EPHA5: variants seen among roughly 807,000 people sequenced by gnomAD.
EPHA5 encodes EPH receptor A5, also known as ephrin type-A receptor 5.
Under a neutral mutation model 105.0 loss-of-function variants are expected in EPHA5, and 60 were observed. That is an observed-to-expected ratio of 0.57 (90% confidence interval 0.46 to 0.71). The LOEUF (loss-of-function observed/expected upper bound fraction) is 0.71. Among genes scored for constraint, EPHA5 ranks in the 30% least tolerant of loss-of-function variants. The pLI, the probability that EPHA5 is intolerant of heterozygous loss-of-function variation, is 0.00. For synonymous variants in EPHA5, 513 were observed against 449.1 expected, an observed-to-expected ratio of 1.14 and a Z score of -1.80; for missense variants, 1,218 against 1,274.7, an observed-to-expected ratio of 0.96 and a Z score of 0.68.
At chr4:65,385,599 T>C (rs116831640) in intron 8 of EPHA5, among the ~76,000 whole-genome samples, 124 of 151,964 alleles carry the variant, frequency 8.2e-4, no homozygotes, top group African/African-American at 2.9e-3. Context: ...AATCACATAT[T>C]ATAATAGTTG....
chr4:65,580,255 T>C (rs571823633), intron 3 of EPHA5, among the ~76,000 whole-genome samples: 1 of 152,004 alleles, frequency 6.6e-6, no homozygotes, highest in South Asian at 2.1e-4. Flanking sequence ...CTGCTGTAAC[T>C]ACAGAACCAA....
chr4:65,534,773 G>T (rs977928935), intron 3 of EPHA5, among the ~76,000 whole-genome samples: 5 of 152,100 alleles, frequency 3.3e-5, no homozygotes, highest in Non-Finnish European at 7.4e-5. Context: ...TTTGAGTTTA[G>T]ATTATTCTAG....
chr4:65,441,771 T>C (rs1726037848), intron 5 of EPHA5, among the ~76,000 whole-genome samples: 1 of 152,078 alleles, frequency 6.6e-6, no homozygotes, highest in Non-Finnish European at 1.5e-5. Context: ...AAATTGAAGG[T>C]ATCAGAAAAA....
At chr4:65,587,497 A>G (rs1457213288) in intron 3 of EPHA5, among the ~76,000 whole-genome samples, 1 of 152,164 alleles carries the variant, frequency 6.6e-6, no homozygotes, top group Non-Finnish European at 1.5e-5. Context: ...ACAGACCAAA[A>G]GTTCAGAAAT....
intron 8 of EPHA5, among the ~76,000 whole-genome samples, chr4:65,397,545 G>T (rs1437362961): frequency 6.6e-6 from 1 of 151,840 alleles, no homozygotes; most frequent in East Asian, 1.9e-4. Context: ...TAATTTTTTT[G>T]ACCAGGATGA....
rs116074071 is a variant in EPHA5 at position 65,439,172 on chromosome 4, G to A, written c.1403-18607C>T. 8.1e-3 allele frequency among the ~76,000 whole-genome samples: 1,229 copies of A among 152,120 alleles called. 24 individuals carry two copies. The highest frequency in any genetic ancestry group is 0.028 in the African/African-American group (1,177 of 41,512). ...TCAGAGTCCATATGTCTAACCATTG[G>A]TACCACCATACTATATAATAGGAGT... On this transcript the variant is annotated intron_variant, in intron 5 of 16. Transcript: ENST00000613740.
intron 5 of EPHA5, among the ~76,000 whole-genome samples, chr4:65,455,150 G>A (rs1479511645): frequency 6.6e-6 from 1 of 151,852 alleles, no homozygotes; most frequent in Non-Finnish European, 1.5e-5. Context: ...GGAGAATGAC[G>A]TGAACCTGGG....
At chr4:65,535,471 A>G (rs1486036068) in intron 3 of EPHA5, among the ~76,000 whole-genome samples, 1 of 152,200 alleles carries the variant, frequency 6.6e-6, no homozygotes, top group African/African-American at 2.4e-5. Flanking sequence ...AATGTTAAAA[A>G]TGCAGATAAA....
intron 5 of EPHA5, among the ~76,000 whole-genome samples, chr4:65,465,225 C>T (rs1462999578): frequency 2.0e-5 from 3 of 151,906 alleles, no homozygotes; most frequent in African/African-American, 4.8e-5. Context: ...TTCACAGGGT[C>T]AGGAGTTCAA....
intron 2 of EPHA5, among the ~76,000 whole-genome samples, chr4:65,626,134 G>A (rs1746138228): frequency 6.7e-6 from 1 of 149,376 alleles, no homozygotes. Flanking sequence ...TTTAAAAAAT[G>A]TTAATTGAAT....
chr4:65,420,223 A>G (rs1723808532), intron 6 of EPHA5, among the ~76,000 whole-genome samples: 1 of 152,144 alleles, frequency 6.6e-6, no homozygotes, highest in Non-Finnish European at 1.5e-5. Context: ...ATATTAGACT[A>G]TATGGCTATA....
At chr4:65,387,233 A>C (rs904608461) in intron 8 of EPHA5, among the ~76,000 whole-genome samples, 1 of 151,886 alleles carries the variant, frequency 6.6e-6, no homozygotes, top group Non-Finnish European at 1.5e-5. Context: ...ATAGACTTCC[A>C]AGCTGGGTTA....
intron 4 of EPHA5, among the ~76,000 whole-genome samples, chr4:65,493,890 A>T (rs1028960489): frequency 2.6e-5 from 4 of 152,190 alleles, no homozygotes; most frequent in African/African-American, 9.7e-5. Flanking sequence ...GAAAATTAAT[A>T]AAATTTGAAA....
chr4:65,539,434 T>G (rs909211970), intron 3 of EPHA5, among the ~76,000 whole-genome samples: 1 of 151,638 alleles, frequency 6.6e-6, no homozygotes, highest in Admixed American at 6.6e-5. Flanking sequence ...TGTGACAAAA[T>G]GATCCTTCTT....
chr4:65,504,381 T>TAG (rs954292989), intron 3 of EPHA5, among the ~76,000 whole-genome samples: 1 of 149,964 alleles, frequency 6.7e-6, no homozygotes, highest in Non-Finnish European at 1.5e-5. Context: ...TATATATATA[T>TAG]AGATAGAACA....
At chr4:65,389,033 A>T (rs1429484327) in intron 8 of EPHA5, among the ~76,000 whole-genome samples, 3 of 152,048 alleles carry the variant, frequency 2.0e-5, no homozygotes, top group African/African-American at 7.2e-5. Context: ...TCCTTGTTGG[A>T]GTTTTAGATC....
At chr4:65,463,520 A>T (rs558098016) in intron 5 of EPHA5, among the ~76,000 whole-genome samples, 1 of 152,300 alleles carries the variant, frequency 6.6e-6, no homozygotes, top group East Asian at 1.9e-4. Flanking sequence ...TACTGTTATA[A>T]GAGAATAAAC....
chr4:65,481,061 A>G (rs1730317806), intron 5 of EPHA5, among the ~76,000 whole-genome samples: 1 of 152,108 alleles, frequency 6.6e-6, no homozygotes, highest in South Asian at 2.1e-4. Flanking sequence ...CTCACCTCAA[A>G]TCATATTGAA....
intron 5 of EPHA5, among the ~76,000 whole-genome samples, chr4:65,482,594 C>A (rs576564811): frequency 1.3e-5 from 2 of 151,828 alleles, no homozygotes; most frequent in African/African-American, 4.8e-5. Context: ...ATGCAGAGAC[C>A]AAAATAATGA....
Sources: allele counts gnomAD v4.1 joint callset (sites outside exome capture counted in the v4.1 genomes callset), GRCh38; gene constraint gnomAD v4.1.1; transcripts MANE v1.5; gene names NCBI Gene and HGNC (gene_info 2026-07-23, HGNC 2026-07-21).